ZCWPW2: variants seen among roughly 807,000 people sequenced by gnomAD.
ZCWPW2 encodes the protein zinc finger CW-type and PWWP domain containing 2, also known as zinc finger CW-type PWWP domain protein 2.
Under a neutral mutation model 46.6 loss-of-function variants are expected in ZCWPW2, and 45 were observed. The observed-to-expected ratio is 0.96, with a 90% CI of 0.76 to 1.24. ZCWPW2 has a LOEUF of 1.24. Ranked by LOEUF, ZCWPW2 falls within the 50% of genes most tolerant of loss-of-function variation. The pLI is 0.00. For missense variants in ZCWPW2, 429 were observed against 403.9 expected (o/e 1.06, Z -0.53); for synonymous variants, 152 against 137.1 (o/e 1.11, Z -0.76).
At chr3:28,502,190 C>T (rs1257577735) in intron 6 of ZCWPW2, among the ~76,000 whole-genome samples, 1 of 152,048 alleles carries the variant, frequency 6.6e-6, no homozygotes, top group African/African-American at 2.4e-5. Flanking sequence ...GCAAGATTTA[C>T]CTCTTTTATC....
chr3:28,471,987 T>C (rs1483244961), intron 4 of ZCWPW2, among the ~76,000 whole-genome samples: 1 of 152,020 alleles, frequency 6.6e-6, no homozygotes, highest in Non-Finnish European at 1.5e-5. Context: ...TAGCTGCATA[T>C]AAAATAAAAT....
chr3:28,392,138 T>C (rs1040804657), intron 2 of ZCWPW2, among the ~76,000 whole-genome samples: 2 of 152,016 alleles, frequency 1.3e-5, no homozygotes, highest in Non-Finnish European at 2.9e-5. Context: ...AAAAGACATT[T>C]CATGCAAACA....
chr3:28,380,061 C>A (rs916313963), intron 1 of ZCWPW2, among the ~76,000 whole-genome samples: 2 of 152,060 alleles, frequency 1.3e-5, no homozygotes, highest in African/African-American at 2.4e-5. Context: ...CGGCTCACTG[C>A]AAGCTCCTCC....
intron 4 of ZCWPW2, among the ~76,000 whole-genome samples, chr3:28,442,526 G>A (rs538986148): frequency 1.3e-5 from 2 of 152,314 alleles, no homozygotes; most frequent in East Asian, 1.9e-4. Context: ...ACACAAAGCT[G>A]GAGAGTTGAT....
chr3:28,351,512 A>T (rs1704548540), intron 1 of ZCWPW2: 1 of 151,674 alleles, frequency 6.6e-6, no homozygotes, highest in South Asian at 2.1e-4. Flanking sequence ...GTGCATTTTT[A>T]GAGCTTCAAA....
chr3:28,447,948 C>A, intron 4 of ZCWPW2: 1 of 718,878 alleles, frequency 1.4e-6, no homozygotes, highest in South Asian at 1.4e-5. Flanking sequence ...AACATGTCAG[C>A]AGGCCCTATG....
At chr3:28,390,408 A>G in intron 1 of ZCWPW2, 90 bp from the exon 2 acceptor site, 1 of 930,324 alleles carries the variant, frequency 1.1e-6, no homozygotes, top group Non-Finnish European at 1.3e-6. Flanking sequence ...TGTCAGTGAT[A>G]TATCAGAATT....
At chr3:28,387,297 T>C (rs1252645851) in intron 1 of ZCWPW2, among the ~76,000 whole-genome samples, 2 of 152,184 alleles carry the variant, frequency 1.3e-5, no homozygotes, top group African/African-American at 4.8e-5. Flanking sequence ...ATCTGTCTTC[T>C]TTCATGGAAG....
chr3:28,466,367 A>G (rs546445102), intron 4 of ZCWPW2, among the ~76,000 whole-genome samples: 23 of 152,320 alleles, frequency 1.5e-4, no homozygotes, highest in Non-Finnish European at 2.6e-4. Context: ...TAAAGAAGTA[A>G]CCATTTTGAA....
chr3:28,393,511 C>G (rs1389288731), intron 2 of ZCWPW2, among the ~76,000 whole-genome samples: 7 of 151,944 alleles, frequency 4.6e-5, no homozygotes, highest in Non-Finnish European at 1.0e-4. Flanking sequence ...GGTCAATATC[C>G]CTGATGAACG....
At chr3:28,375,077 A>G (rs1477718268) in intron 1 of ZCWPW2, among the ~76,000 whole-genome samples, 1 of 151,822 alleles carries the variant, frequency 6.6e-6, no homozygotes, top group Admixed American at 6.6e-5. Context: ...TTATCATTAT[A>G]TAATGATCCT....
In ZCWPW2 at chr3:28,388,356, A is replaced by T. The variant is rs137928328; in HGVS notation, c.-133-2142A>T. Reference sequence around the variant, plus strand: ...CCTTGTCAACCTGACACCCATACACATCTCCTTAAACAATACTTAATCTGC... The same window carrying T: ...CCTTGTCAACCTGACACCCATACACTTCTCCTTAAACAATACTTAATCTGC... On this transcript the variant is annotated intron_variant, in intron 1 of 9. Coordinates refer to ENST00000383768, the MANE Select transcript of ZCWPW2 (RefSeq NM_001040432.4). Among the ~76,000 whole-genome samples, 1,039 of 152,228 alleles carry T rather than the reference A, an allele frequency of 6.8e-3. 10 individuals are homozygous for T. Among genetic ancestry groups the T allele is most frequent in the African/African-American group, 0.023 (942 of 41,532 alleles).
At chr3:28,502,101 T>C (rs1700158245) in intron 6 of ZCWPW2, among the ~76,000 whole-genome samples, 1 of 152,138 alleles carries the variant, frequency 6.6e-6, no homozygotes, top group Admixed American at 6.6e-5. Flanking sequence ...TACAGAGCAG[T>C]ATTAAAACGC....
intron 4 of ZCWPW2, among the ~76,000 whole-genome samples, chr3:28,439,202 A>G (rs78251384): frequency 0.019 from 2,834 of 149,500 alleles, 82 homozygotes; most frequent in African/African-American, 0.057. Flanking sequence ...ATTAACTTAC[A>G]TGATCACAAC....
At position 28,448,183 on chromosome 3, in the gene ZCWPW2, T is replaced by C. The variant is rs372994299; in HGVS notation, c.492+12914T>C. 2.9e-5 allele frequency: 5 copies of C among 169,674 alleles called. No individual in the cohort carries two copies. In the East Asian group the frequency reaches 7.0e-4, roughly 24 times the overall value. The allele number at this position is 169,674 out of a possible 1,614,324, so 10.5% of individuals were successfully genotyped here. A position where few individuals can be genotyped will look rare whatever the true frequency, so the allele number is the denominator to read the frequency against. On this transcript the variant is annotated intron_variant, in intron 4 of 9. Coordinates refer to ENST00000383768, the MANE Select transcript of ZCWPW2 (RefSeq NM_001040432.4). Reference sequence around the variant, plus strand: ...ATCTTTGTTTGCAGGTGATATGATCTTCTGAGTAGGAAACCTTAAAGATTC... The same window carrying C: ...ATCTTTGTTTGCAGGTGATATGATCCTCTGAGTAGGAAACCTTAAAGATTC...
rs1700818942 is a variant in ZCWPW2, at chr3:28,525,214, A to G, written c.*526A>G. 6.6e-6 allele frequency: 1 copy of G among 152,320 alleles called. No homozygotes were observed. Among genetic ancestry groups the G allele is most frequent in the Admixed American group, 6.6e-5 (1 of 15,256 alleles). 9.4% of individuals were successfully genotyped at this position (152,320 alleles called of 1,614,324 possible). ...CTTGCTACTTCTACTGGAATCAGTT[A>G]TTTCAACCATGGTACCCAAAACTGA... On this transcript the variant is annotated 3_prime_UTR_variant, in exon 10 of 10. Coordinates refer to ENST00000383768, the MANE Select transcript of ZCWPW2 (RefSeq NM_001040432.4).
chr3:28,349,157 G>A lies in ZCWPW2; in HGVS notation c.-180G>A. 1 of 985,606 alleles carries A rather than the reference G, an allele frequency of 1.0e-6. No individual in the cohort carries two copies. The highest frequency in any genetic ancestry group is 1.2e-6 in the Non-Finnish European group (1 of 830,092). 61.1% of individuals were successfully genotyped at this position (985,606 alleles called of 1,614,324 possible). ...GTCCCGTGAGCCTCCGCGGCGGGAC[G>A]GGGCGGGGCCGCGGGACGCCAGGAG... On this transcript the variant is annotated 5_prime_UTR_variant, in exon 1 of 10. Coordinates refer to ENST00000383768, the MANE Select transcript of ZCWPW2 (RefSeq NM_001040432.4).
chr3:28,364,601 T>C (rs1252073210), intron 1 of ZCWPW2, among the ~76,000 whole-genome samples: 1 of 152,160 alleles, frequency 6.6e-6, no homozygotes, highest in Non-Finnish European at 1.5e-5. Context: ...TTTCACCACA[T>C]CCATGCTAAC....
At chr3:28,412,757 T>C (rs893084816) in intron 2 of ZCWPW2, among the ~76,000 whole-genome samples, 2 of 152,088 alleles carry the variant, frequency 1.3e-5, no homozygotes, top group Admixed American at 1.3e-4. Flanking sequence ...ATACCAGATG[T>C]GTGCTATATA....
Sources: allele counts gnomAD v4.1 joint callset (sites outside exome capture counted in the v4.1 genomes callset), GRCh38; gene constraint gnomAD v4.1.1; transcripts MANE v1.5; gene names NCBI Gene and HGNC (gene_info 2026-07-23, HGNC 2026-07-21).